Variants in HOXD11 observed in about 807,000 individuals in gnomAD.
HOXD11 encodes homeobox D11, also known as homeobox protein Hox-D11.
A neutral mutation model predicts 23.1 loss-of-function variants in HOXD11; 16 were observed. That is an observed-to-expected ratio of 0.69 (90% CI 0.47 to 1.05). The LOEUF is 1.05. HOXD11 is among the 50% of genes least tolerant of loss of function. The pLI, the probability that HOXD11 is intolerant of heterozygous loss-of-function variation, is 0.00. For missense variants in HOXD11, 564 were observed against 495.6 expected (o/e 1.14, Z -1.31); for synonymous variants, 262 against 224.4 (o/e 1.17, Z -1.50).
the HOXD11 span, among the ~76,000 whole-genome samples, chr2:176,115,656 A>C: frequency 1.3e-5 from 2 of 152,228 alleles, no homozygotes; most frequent in African/African-American, 2.4e-5. Context: ...TGTATTAATA[A>C]ATTCCACAAC....
At chr2:176,113,231 C>T (rs1689701862), downstream of HOXD11, among the ~76,000 whole-genome samples, 1 of 152,216 alleles carries the variant, frequency 6.6e-6, no homozygotes, top group Non-Finnish European at 1.5e-5. Flanking sequence ...CCAGAGGTGG[C>T]TCAGAACCCT....
intron 1 of HOXD11, 64 bp from the exon 2 acceptor site, chr2:176,108,843 G>A (rs1689629389): frequency 1.0e-5 from 12 of 1,150,302 alleles, no homozygotes; most frequent in Non-Finnish European, 1.2e-5. Context: ...TGGCCCGGGC[G>A]GGCGGGCGGG....
chr2:176,113,325 A>C (rs1006294711), downstream of HOXD11, among the ~76,000 whole-genome samples: 1 of 152,224 alleles, frequency 6.6e-6, no homozygotes. Flanking sequence ...GTGCAGATGC[A>C]AGCCACTTTT....
rs1182505936 is a variant in HOXD11 at position 176,107,383 on chromosome 2, A to G, written c.28A>G (p.Ser10Gly). 2.5e-6 allele frequency: 4 copies of G among 1,611,704 alleles called. No homozygotes were observed. In the South Asian group the frequency reaches 4.4e-5, roughly 18 times the overall value. MNDFDECGQ[S>G]AASMYLPGCA... is the part of the protein sequence containing the mutation. The stretch of plus-strand genomic sequence containing the variant: ...GAACGACTTTGACGAGTGCGGCCAG[A>G]GCGCAGCCAGCATGTACCTGCCGGG... The change falls in exon 1 of 2, where the codon AGC (serine) becomes GGC (glycine). Residue 10 changes from serine to glycine, a missense_variant. Physicochemically the swap from Ser to Gly is moderately conservative, Grantham distance 56 (BLOSUM62 0). Transcript: ENST00000249504.
At chr2:176,111,824 C>G (rs571743202), downstream of HOXD11, among the ~76,000 whole-genome samples, 1 of 51,720 alleles carries the variant, frequency 1.9e-5, no homozygotes, top group Non-Finnish European at 3.5e-5. Flanking sequence ...CCCTCCCCCC[C>G]GCAAAAAAAA....
At chr2:176,111,843 A>AAAAAAAAAAAAAAAAAAAAAC (rs1559115548), downstream of HOXD11, among the ~76,000 whole-genome samples, 24 of 148,204 alleles carry the variant, frequency 1.6e-4, no homozygotes, top group African/African-American at 6.1e-4. Context: ...AAAAAAAAAA[A>AAAAAAAAAAAAAAAAAAAAAC]AAAAAACCTT....
In HOXD11 at chr2:176,108,050, C is replaced by T. The variant is rs759594993; in HGVS notation, c.695C>T (p.Ser232Leu). 19 of 1,490,090 alleles carry T rather than the reference C, an allele frequency of 1.3e-5. No individual in the cohort carries two copies. In the East Asian group the frequency reaches 2.8e-4, roughly 22 times the overall value. The allele number at this position is 1,490,090 out of a possible 1,614,324, so 92.3% of individuals were successfully genotyped here. A position where few individuals can be genotyped will look rare whatever the true frequency, so the allele number is the denominator to read the frequency against. ...GSPCTKATPG[S>L]EPKGAAEGSG... ...CCCTGCACCAAGGCGACCCCTGGCTCGGAGCCCAAGGGGGCAGCAGAAGGC... is the reference window on the plus strand; with the variant it reads ...CCCTGCACCAAGGCGACCCCTGGCTTGGAGCCCAAGGGGGCAGCAGAAGGC... Residue 232 changes from serine to leucine, a missense_variant, in exon 1 of 2, where the codon TCG becomes TTG. Physicochemically the swap from Ser to Leu is moderately radical, Grantham distance 145 (BLOSUM62 -2). Transcript: ENST00000249504.
At chr2:176,115,348 G>A in the HOXD11 span, among the ~76,000 whole-genome samples, 1 of 152,224 alleles carries the variant, frequency 6.6e-6, no homozygotes, top group Admixed American at 6.5e-5. Context: ...TCTGACAAAA[G>A]TATAGCTTTT....
Position 176,107,748 on chromosome 2 carries a change from G to C in HOXD11, c.393G>C (p.Pro131=). The C allele has an allele frequency of 8.3e-7, 1 of 1,200,476 alleles. No homozygotes were observed. The highest frequency in any genetic ancestry group is 3.9e-5 in the South Asian group (1 of 25,838). 74.4% of individuals were successfully genotyped at this position (1,200,476 alleles called of 1,614,324 possible). A position where few individuals can be genotyped will look rare whatever the true frequency, so the allele number is the denominator to read the frequency against. ...CGGCCATGCAACGCGAGCTTCTCCCGCCCGCGGGCCGCCGGCCGGACGTGC... is the reference window on the plus strand; with the variant it reads ...CGGCCATGCAACGCGAGCTTCTCCCCCCCGCGGGCCGCCGGCCGGACGTGC... ...EEAAMQRELL[P]PAGRRPDVLF... is the part of the protein sequence containing the mutation. The change falls in exon 1 of 2, where the codon CCG becomes CCC. Residue 131 remains proline (P), a synonymous_variant. Coordinates refer to ENST00000249504, the MANE Select transcript of HOXD11 (RefSeq NM_021192.3).
At chr2:176,110,291 C>T (rs1018010469), downstream of HOXD11, among the ~76,000 whole-genome samples, 1 of 152,220 alleles carries the variant, frequency 6.6e-6, no homozygotes. Flanking sequence ...GTTTACAAAA[C>T]CTTGAACTGT....
In HOXD11 at chr2:176,109,722, A is replaced by T. The variant is rs1410565519; in HGVS notation, c.*580A>T. 5.3e-6 allele frequency: 1 copy of T among 187,298 alleles called. No individual in the cohort carries two copies. Among genetic ancestry groups the T allele is most frequent in the East Asian group, 8.6e-5 (1 of 11,652 alleles). 11.6% of individuals were successfully genotyped at this position (187,298 alleles called of 1,614,324 possible). ...TAGGATATTTTAGTGGCCAGAACCC[A>T]TGCAACTGAAAATCGAATGAAATAC... On this transcript the variant is annotated 3_prime_UTR_variant, in exon 2 of 2. Transcript: ENST00000249504.
chr2:176,107,886 C>T lies in HOXD11; in HGVS notation c.531C>T (p.Gly177=). Residue 177 remains glycine (G), a synonymous_variant, in exon 1 of 2, where the codon GGC becomes GGT. Transcript: ENST00000249504. The stretch of plus-strand genomic sequence containing the variant: ...GCCGCAATGGCATCTTGCCACAGGG[C>T]TTCGACCAGTTCTACGAGGCAGCGC... The part of the protein sequence containing the change: ...AVGRNGILPQ[G]FDQFYEAAPG... 6.9e-7 allele frequency: 1 copy of T among 1,455,896 alleles called. No homozygotes were observed. The highest frequency in any genetic ancestry group is 1.3e-5 in the South Asian group (1 of 75,452). The allele number at this position is 1,455,896 out of a possible 1,614,324, so 90.2% of individuals were successfully genotyped here. A position where few individuals can be genotyped will look rare whatever the true frequency, so the allele number is the denominator to read the frequency against.
At chr2:176,108,698 T>TGTCC in intron 1 of HOXD11, 1 of 572,460 alleles carries the variant, frequency 1.7e-6, no homozygotes, top group Non-Finnish European at 3.1e-6. Flanking sequence ...TGTGTGTGTG[T>TGTCC]CCGGGCGTGA....
chr2:176,111,245 G>A (rs711815), downstream of HOXD11: 56,503 of 151,984 alleles, frequency 0.37, 12,946 homozygotes, highest in African/African-American at 0.66. Context: ...CCCTAATAGT[G>A]TGATCGTTCC....
rs1689643185 is a variant in HOXD11 at position 176,109,349 on chromosome 2, G to A, written c.*207G>A. 23 of 549,706 alleles carry A rather than the reference G, an allele frequency of 4.2e-5. 2 individuals are homozygous for A. In the South Asian group the frequency reaches 5.5e-4, roughly 13 times the overall value. The allele number at this position is 549,706 out of a possible 1,614,324, so 34.1% of individuals were successfully genotyped here. A position where few individuals can be genotyped will look rare whatever the true frequency, so the allele number is the denominator to read the frequency against. On this transcript the variant is annotated 3_prime_UTR_variant, in exon 2 of 2. Coordinates refer to ENST00000249504, the MANE Select transcript of HOXD11 (RefSeq NM_021192.3). ...GACTTGGCCGAGCGGATCCTAATAA[G>A]GGGAAAATGGTAAATGCAAACGTCC...
In HOXD11 at chr2:176,107,472, G is replaced by A; in HGVS notation, c.117G>A (p.Ser39=). Residue 39 remains serine, a synonymous_variant, in exon 1 of 2, where the codon TCG becomes TCA. Transcript: ENST00000249504. The part of the protein sequence containing the change: ...ASKPSFLSQP[S]SCQMTFPYSS... ...AGCCTTCGTTCCTTTCCCAACCGTCGTCCTGCCAGATGACTTTCCCCTACT... is the reference window on the plus strand; with the variant it reads ...AGCCTTCGTTCCTTTCCCAACCGTCATCCTGCCAGATGACTTTCCCCTACT... 1.2e-6 allele frequency: 2 copies of A among 1,613,964 alleles called. No homozygotes were observed. The highest frequency in any genetic ancestry group is 1.7e-6 in the Non-Finnish European group (2 of 1,179,928).
At chr2:176,112,606 C>G (rs1009806025), downstream of HOXD11, among the ~76,000 whole-genome samples, 4 of 152,248 alleles carry the variant, frequency 2.6e-5, no homozygotes, top group African/African-American at 9.6e-5. Flanking sequence ...GCAACCTTGG[C>G]TCCACTAGTC....
chr2:176,108,533 G>T (rs1378144890), intron 1 of HOXD11, among the ~76,000 whole-genome samples: 1 of 151,972 alleles, frequency 6.6e-6, no homozygotes, highest in Non-Finnish European at 1.5e-5. Context: ...CTTTATCCAA[G>T]CCGCTAGCTG....
At chr2:176,112,896 C>T (rs143470168), downstream of HOXD11, among the ~76,000 whole-genome samples, 52 of 152,326 alleles carry the variant, frequency 3.4e-4, no homozygotes, top group African/African-American at 1.2e-3. Flanking sequence ...GGCTGAAGAC[C>T]TCTCCCCACC....
Sources: gnomAD v4.1 joint callset for allele counts (sites outside exome capture counted in the v4.1 genomes callset) on GRCh38, gnomAD v4.1.1 for gene constraint, MANE v1.5 for transcripts, NCBI Gene and HGNC (gene_info 2026-07-23, HGNC 2026-07-21) for gene names.